Variants in COL23A1 observed in about 807,000 individuals in gnomAD.
The protein encoded by COL23A1 is collagen type XXIII alpha 1 chain, also known as collagen alpha-1(XXIII) chain.
Under a neutral mutation model 99.3 loss-of-function variants are expected in COL23A1, and 97 were observed. The ratio of observed to expected loss-of-function variants is 0.98; its 90% CI spans 0.83 to 1.16. The LOEUF (loss-of-function observed/expected upper bound fraction) is 1.16, where lower values mean the gene tolerates loss of function less well. Ranked by LOEUF, COL23A1 falls within the 50% of genes most tolerant of loss-of-function variation. The pLI, the probability that COL23A1 is intolerant of heterozygous loss-of-function variation, is 0.00. For missense variants in COL23A1, 762 were observed against 757.4 expected (o/e 1.01, Z -0.07); for synonymous variants, 320 against 308.2 (o/e 1.04, Z -0.40).
At chr5:178,571,338 G>A (rs1181168708) in intron 1 of COL23A1, among the ~76,000 whole-genome samples, 1 of 151,874 alleles carries the variant, frequency 6.6e-6, no homozygotes, top group African/African-American at 2.4e-5. Flanking sequence ...CTCCAGCCTG[G>A]GTGACAGAGT....
intron 2 of COL23A1, among the ~76,000 whole-genome samples, chr5:178,360,382 T>C (rs1476756639): frequency 1.3e-5 from 2 of 152,218 alleles, no homozygotes; most frequent in African/African-American, 4.8e-5. Flanking sequence ...CAATTTAAAG[T>C]GGCGGCAGCC....
Position 178,248,204 on chromosome 5 carries a change from T to C in COL23A1, c.1200A>G (p.Leu400=). The change falls in exon 20 of 29, where the codon CTA becomes CTG. Residue 400 remains leucine (L), a synonymous_variant. Transcript: ENST00000390654. ...CATACCCCCTTACCAGGCTCTCCTG[T>C]AGGCTGTCAGACGCCGACTCCCCCT... is the stretch of plus-strand genomic sequence containing the variant. ...GEKGESASDS[L]QESLAQLIVE... is the part of the protein sequence containing the mutation. 2.5e-6 allele frequency: 4 copies of C among 1,601,856 alleles called. No homozygotes were observed. The highest frequency in any genetic ancestry group is 3.4e-6 in the Non-Finnish European group (4 of 1,169,312).
chr5:178,442,100 T>C (rs1353683286), intron 2 of COL23A1, among the ~76,000 whole-genome samples: 1 of 151,916 alleles, frequency 6.6e-6, no homozygotes, highest in East Asian at 1.9e-4. Context: ...TCCTGCAGCC[T>C]GGTCAGACCC....
chr5:178,242,106 C>G lies in COL23A1; in HGVS notation c.1517G>C (p.Arg506Pro). ...GCCCTTCTGGCCCTTCACTCCTTTC[C>G]GGCCGGGGACCCCTCGTTCTCCCTG... ...GEKGERGVPG[R>P]KGVKGQKGEP... Residue 506 changes from arginine (R) to proline (P), a missense_variant, in exon 27 of 29, where the codon CGG (arginine) becomes CCG (proline). Transcript: ENST00000390654. The G allele has an allele frequency of 6.4e-7, 1 of 1,553,452 alleles. No homozygotes were observed. The highest frequency in any genetic ancestry group is 8.7e-7 in the Non-Finnish European group (1 of 1,148,134).
chr5:178,282,880 T>TC (rs1367043319), intron 5 of COL23A1, among the ~76,000 whole-genome samples: 1 of 152,016 alleles, frequency 6.6e-6, no homozygotes, highest in African/African-American at 2.4e-5. Context: ...TTTCTTTTTT[T>TC]TTTGAGACAT....
intron 1 of COL23A1, among the ~76,000 whole-genome samples, chr5:178,581,892 G>A (rs1167471113): frequency 1.3e-5 from 2 of 152,098 alleles, no homozygotes; most frequent in African/African-American, 4.8e-5. Flanking sequence ...TGCATTCTGT[G>A]GTTAAAATTA....
rs1181276375 is a variant in COL23A1, at chr5:178,434,854, TGCCCGCTGCAGG to T, written c.361+125816_361+125827del. ...AGCTCAGGGCTGGTTTCAAAGCCTC[TGCCCGCTGCAGG>T]AAGGCAGGCATCCACTTCTGAACCC... On this transcript the variant is annotated intron_variant, in intron 2 of 28. Coordinates refer to ENST00000390654, the MANE Select transcript of COL23A1 (RefSeq NM_173465.4). This position sits in a 1 kb window ranked among gnomAD's most constrained non-coding sequence, Gnocchi z 4.3. Among the ~76,000 whole-genome samples the T allele has an allele frequency of 3.3e-5, 5 of 152,250 alleles. No homozygotes were observed. The East Asian group carries it at 7.7e-4, about 23-fold the overall frequency.
intron 2 of COL23A1, among the ~76,000 whole-genome samples, chr5:178,509,771 G>A (rs1293726623): frequency 6.6e-6 from 1 of 152,214 alleles, no homozygotes; most frequent in East Asian, 1.9e-4. Context: ...ACCCAACCTG[G>A]AGGGAGCCTC....
At chr5:178,484,379 G>A (rs994328246) in intron 2 of COL23A1, among the ~76,000 whole-genome samples, 4 of 152,204 alleles carry the variant, frequency 2.6e-5, no homozygotes, top group South Asian at 2.1e-4. Flanking sequence ...GGATGGCTCC[G>A]AGGTCCCCTC....
At chr5:178,242,841 A>C (rs1191808335) in intron 25 of COL23A1, among the ~76,000 whole-genome samples, 1 of 152,072 alleles carries the variant, frequency 6.6e-6, no homozygotes, top group Admixed American at 6.6e-5. Context: ...CGTCCACCCA[A>C]CCAAGGTGGC....
Position 178,308,627 on chromosome 5 carries a change from C to A in COL23A1, c.362-1708G>T, listed in dbSNP as rs73344836. On this transcript the variant is annotated intron_variant, in intron 2 of 28. Coordinates refer to ENST00000390654, the MANE Select transcript of COL23A1 (RefSeq NM_173465.4). This position sits in a 1 kb window ranked among gnomAD's most constrained non-coding sequence, Gnocchi z 5.1. Reference sequence around the variant, plus strand: ...CCGAGGCCTGCGACACCCACACTGTCCGGCCAATTACCTTCCTATCTCCAC... The same window carrying A: ...CCGAGGCCTGCGACACCCACACTGTACGGCCAATTACCTTCCTATCTCCAC... Among the ~76,000 whole-genome samples the A allele has an allele frequency of 0.028, 4,232 of 152,262 alleles. 192 individuals are homozygous for A. Among genetic ancestry groups the A allele is most frequent in the African/African-American group, 0.097 (4,009 of 41,512 alleles).
intron 2 of COL23A1, among the ~76,000 whole-genome samples, chr5:178,498,235 T>TAC (rs1562025562): frequency 2.6e-4 from 14 of 54,168 alleles, no homozygotes; most frequent in African/African-American, 1.6e-3. Context: ...TATATATATA[T>TAC]ATATATATAT....
intron 2 of COL23A1, among the ~76,000 whole-genome samples, chr5:178,334,329 T>G (rs1316035526): frequency 6.6e-6 from 1 of 152,228 alleles, no homozygotes; most frequent in Non-Finnish European, 1.5e-5. Context: ...CCAAAGCACA[T>G]GCCTGGATCG....
chr5:178,429,084 ATACT>A (rs1202482409), intron 2 of COL23A1, among the ~76,000 whole-genome samples: 1 of 152,136 alleles, frequency 6.6e-6, no homozygotes, highest in African/African-American at 2.4e-5. Flanking sequence ...GGCCAGGCAA[ATACT>A]TAGGTATGTT....
chr5:178,318,627 C>A (rs998822177), intron 2 of COL23A1, among the ~76,000 whole-genome samples: 1 of 152,180 alleles, frequency 6.6e-6, no homozygotes, highest in East Asian at 1.9e-4. Flanking sequence ...TTCGGCCGGG[C>A]GCGGTGGCTC....
intron 2 of COL23A1, among the ~76,000 whole-genome samples, chr5:178,422,485 C>A (rs1322597909): frequency 1.3e-5 from 2 of 152,182 alleles, no homozygotes; most frequent in Non-Finnish European, 2.9e-5. Flanking sequence ...CAGGTAGCAG[C>A]TACGTGGGCA....
chr5:178,475,250 A>C (rs1177507918), intron 2 of COL23A1, among the ~76,000 whole-genome samples: 1 of 152,224 alleles, frequency 6.6e-6, no homozygotes, highest in East Asian at 1.9e-4. Flanking sequence ...CTTTTGGGAT[A>C]TGTTAAATTT....
chr5:178,420,181 G>A (rs760822538), intron 2 of COL23A1, among the ~76,000 whole-genome samples: 2 of 152,126 alleles, frequency 1.3e-5, no homozygotes, highest in African/African-American at 4.8e-5. Context: ...TCAGCCACAC[G>A]GCTTAGGGAA....
At chr5:178,315,039 G>A (rs7728261) in intron 2 of COL23A1, among the ~76,000 whole-genome samples, 157 of 152,250 alleles carry the variant, frequency 1.0e-3, no homozygotes, top group African/African-American at 3.7e-3. Flanking sequence ...CAGTGTGATC[G>A]GCAGCCCTGG....
Sources: gnomAD v4.1 joint callset for allele counts (sites outside exome capture counted in the v4.1 genomes callset) on GRCh38, gnomAD v4.1.1 for gene constraint, Gnocchi (gnomAD v3.1) non-coding constraint, MANE v1.5 for transcripts, NCBI Gene and HGNC (gene_info 2026-07-23, HGNC 2026-07-21) for gene names.